Variants in USP16 observed in about 807,000 individuals in gnomAD.
The protein encoded by USP16 is ubiquitin specific peptidase 16.
In USP16, 77 loss-of-function variants were observed where a neutral mutation model predicts 95.9. The ratio of observed to expected loss-of-function variants is 0.80; its 90% CI spans 0.67 to 0.97. USP16 has a LOEUF of 0.97. USP16 is among the 50% of genes least tolerant of loss of function. The pLI is 0.00. For synonymous variants in USP16, 303 were observed against 318.2 expected (o/e 0.95, Z 0.51); for missense variants, 943 against 959.9 (o/e 0.98, Z 0.23).
chr21:29,046,654 A>G lies in USP16; in HGVS notation c.1357-13A>G, dbSNP rs1225437180. On this transcript the variant is annotated splice_polypyrimidine_tract_variant and intron_variant, in intron 13 of 17. Coordinates refer to ENST00000399976, the MANE Select transcript of USP16 (RefSeq NM_006447.3). ...TTTTCTTTATTTTTTGATGCCGTAT[A>G]CTTTTTACCCAGAACCAACGAAGAC... is the stretch of plus-strand genomic sequence containing the variant. The G allele has an allele frequency of 1.3e-6, 2 of 1,581,524 alleles. No homozygotes were observed. Among genetic ancestry groups the G allele is most frequent in the East Asian group, 2.2e-5 (1 of 44,556 alleles).
At chr21:29,031,808 C>G (rs1201769856) in intron 3 of USP16, among the ~76,000 whole-genome samples, 2 of 152,166 alleles carry the variant, frequency 1.3e-5, no homozygotes, top group Non-Finnish European at 2.9e-5. Context: ...ATGTGCAGAT[C>G]TAACAGATAA....
intron 2 of USP16, 148 bp from the exon 3 acceptor site, chr21:29,030,447 A>G: frequency 2.9e-6 from 2 of 680,904 alleles, no homozygotes; most frequent in Non-Finnish European, 4.3e-6. Context: ...TATTATTCAA[A>G]TATCAAACAA....
intron 11 of USP16, 85 bp downstream of exon 11, chr21:29,042,189 C>T (rs1209273681): frequency 2.5e-6 from 3 of 1,219,016 alleles, no homozygotes; most frequent in Non-Finnish European, 3.5e-6. Context: ...AAATCTCTAC[C>T]TTCATAGGAT....
intron 13 of USP16, among the ~76,000 whole-genome samples, chr21:29,045,493 A>G (rs543294078): frequency 3.3e-5 from 5 of 151,978 alleles, no homozygotes; most frequent in East Asian, 3.9e-4. Flanking sequence ...TTTTTTTCCC[A>G]GAATACTTTT....
At chr21:29,047,908 C>G (rs777666093) in intron 14 of USP16, among the ~76,000 whole-genome samples, 1 of 150,330 alleles carries the variant, frequency 6.7e-6, no homozygotes, top group Non-Finnish European at 1.5e-5. Flanking sequence ...AAAAAGTAAG[C>G]CTGTGTGTGT....
chr21:29,026,685 A>G (rs1426436849), intron 1 of USP16: 1 of 151,800 alleles, frequency 6.6e-6, no homozygotes, highest in African/African-American at 2.4e-5. Context: ...CCCAGACAAC[A>G]TCTGCCTTTT....
At chr21:29,033,082 A>C (rs1177787078) in intron 3 of USP16, among the ~76,000 whole-genome samples, 3 of 152,244 alleles carry the variant, frequency 2.0e-5, no homozygotes, top group Non-Finnish European at 4.4e-5. Flanking sequence ...TTTTAAATAC[A>C]TATGGTGAGT....
At position 29,047,206 on chromosome 21, in the gene USP16, A is replaced by T; in HGVS notation, c.1896A>T (p.Ser632=). Residue 632 remains serine (S), a synonymous_variant, in exon 14 of 18, where the codon TCA becomes TCT. Transcript: ENST00000399976. ...AAGTTTTCAATACTGATGAGTGTTCAATCCAACATTGTTTATATCAGTTCA... is the reference window on the plus strand; with the variant it reads ...AAGTTTTCAATACTGATGAGTGTTCTATCCAACATTGTTTATATCAGTTCA... ...NREVFNTDEC[S]IQHCLYQFTR... 2.5e-6 allele frequency: 4 copies of T among 1,614,182 alleles called. No homozygotes were observed. The highest frequency in any genetic ancestry group is 3.4e-6 in the Non-Finnish European group (4 of 1,180,030).
At chr21:29,033,023 T>C (rs978655616) in intron 3 of USP16, among the ~76,000 whole-genome samples, 5 of 152,250 alleles carry the variant, frequency 3.3e-5, no homozygotes, top group Non-Finnish European at 7.3e-5. Context: ...AAAATCTGTA[T>C]GTTAGAAAAG....
intron 17 of USP16, 25 bp downstream of exon 17, chr21:29,053,983 C>T: frequency 6.2e-7 from 1 of 1,613,338 alleles, no homozygotes; most frequent in Non-Finnish European, 8.5e-7. Context: ...AAAATTCAGG[C>T]ACTCAGCAGA....
chr21:29,045,899 A>G (rs1355792516), intron 13 of USP16, among the ~76,000 whole-genome samples: 1 of 151,886 alleles, frequency 6.6e-6, no homozygotes, highest in African/African-American at 2.4e-5. Context: ...CCCACCTTCC[A>G]TGTTCAAGCT....
At chr21:29,029,038 G>C (rs973964436) in intron 2 of USP16, among the ~76,000 whole-genome samples, 1 of 152,196 alleles carries the variant, frequency 6.6e-6, no homozygotes, top group African/African-American at 2.4e-5. Flanking sequence ...TATTAGCGTA[G>C]TAAAGTGCCC....
chr21:29,046,570 A>G (rs2146391866), intron 13 of USP16, 97 bp from the exon 14 acceptor site: 2 of 1,240,748 alleles, frequency 1.6e-6, no homozygotes, highest in Non-Finnish European at 2.2e-6. Context: ...GATATAGTAC[A>G]TGTGTGTGTT....
chr21:29,026,633 C>T (rs2084995734), intron 1 of USP16: 2 of 143,316 alleles, frequency 1.4e-5, no homozygotes, highest in Admixed American at 1.5e-4. Context: ...CCTCCCACCT[C>T]GATCTCCCAA....
intron 16 of USP16, chr21:29,052,219 G>A (rs1568902072): frequency 6.6e-6 from 1 of 152,164 alleles, no homozygotes; most frequent in Non-Finnish European, 1.5e-5. Flanking sequence ...ACCACATTTT[G>A]AATAGCAATG....
chr21:29,029,086 C>A (rs1043658724), intron 2 of USP16, among the ~76,000 whole-genome samples: 1 of 152,236 alleles, frequency 6.6e-6, no homozygotes, highest in Admixed American at 6.5e-5. Context: ...TTAGTATCAT[C>A]TGTAAACATC....
chr21:29,033,409 A>G (rs1416511042), intron 3 of USP16, among the ~76,000 whole-genome samples: 3 of 152,262 alleles, frequency 2.0e-5, no homozygotes, highest in South Asian at 2.1e-4. Flanking sequence ...GAAATTACCA[A>G]TGTATATTTC....
chr21:29,050,957 T>A (rs2085404570), intron 16 of USP16, among the ~76,000 whole-genome samples: 1 of 152,168 alleles, frequency 6.6e-6, no homozygotes, highest in Non-Finnish European at 1.5e-5. Context: ...TGGAGGCTGT[T>A]GTATTAATTC....
chr21:29,031,213 C>G (rs1601043783), intron 3 of USP16, among the ~76,000 whole-genome samples: 1 of 152,190 alleles, frequency 6.6e-6, no homozygotes, highest in East Asian at 1.9e-4. Context: ...CGGCCACATT[C>G]TCAGCACCTG....
Sources: gnomAD v4.1 joint callset for allele counts (sites outside exome capture counted in the v4.1 genomes callset) on GRCh38, gnomAD v4.1.1 for gene constraint, MANE v1.5 for transcripts, NCBI Gene and HGNC (gene_info 2026-07-23, HGNC 2026-07-21) for gene names.